The following ADGB variants were observed in gnomAD, a reference collection of about 807,000 sequenced individuals.
The protein encoded by ADGB is androglobin.
ADGB carries 172 observed loss-of-function variants against 210.5 expected under a neutral mutation model. The observed-to-expected ratio is 0.82, with a 90% CI of 0.72 to 0.93. The LOEUF (loss-of-function observed/expected upper bound fraction) is 0.93. ADGB is among the 40% of genes least tolerant of loss of function. The pLI is 0.00. For synonymous variants in ADGB, 658 were observed against 662.7 expected (o/e 0.99, Z 0.11); for missense variants, 2,025 against 1,964.8 (o/e 1.03, Z -0.58).
At chr6:146,772,560 A>C (rs1389836360) in intron 29 of ADGB, among the ~76,000 whole-genome samples, 1 of 147,574 alleles carries the variant, frequency 6.8e-6, no homozygotes, top group African/African-American at 2.5e-5. Flanking sequence ...TGTGTCTCTG[A>C]TAGAGGGCTG....
At chr6:146,788,805 A>G (rs1326047730) in intron 33 of ADGB, among the ~76,000 whole-genome samples, 195 bp downstream of exon 33, 1 of 152,192 alleles carries the variant, frequency 6.6e-6, no homozygotes, top group African/African-American at 2.4e-5. Context: ...TAACCAAAAG[A>G]CAAAAGTGGG....
At chr6:146,721,575 C>G (rs1296807193) in intron 17 of ADGB, 70 bp downstream of exon 17, 2 of 258,138 alleles carry the variant, frequency 7.7e-6, no homozygotes, top group Admixed American at 1.3e-4. Flanking sequence ...TGGTGGCTCA[C>G]GCCTGTAATC....
At chr6:146,634,754 T>G (rs1562260589) in intron 1 of ADGB, among the ~76,000 whole-genome samples, 1 of 152,098 alleles carries the variant, frequency 6.6e-6, no homozygotes, top group East Asian at 1.9e-4. Flanking sequence ...GATTTTGCAA[T>G]AAGAACAACC....
In ADGB at chr6:146,733,209, T is replaced by G; in HGVS notation, c.2610T>G (p.Val870=). The G allele has an allele frequency of 6.5e-7, 1 of 1,543,108 alleles. No homozygotes were observed. The highest frequency in any genetic ancestry group is 8.8e-7 in the Non-Finnish European group (1 of 1,142,154). Residue 870 remains valine, a synonymous_variant, in exon 21 of 36, where the codon GTT becomes GTG. Transcript: ENST00000397944. ...PNFKFAFRAM[V]LDLELLNSSL... is the part of the protein sequence containing the mutation. ...TCAAATTTGCATTCCGGGCTATGGT[T>G]TTGGACTTGGAGTTACTCAATTCCT...
At chr6:146,634,183 G>A (rs548776091) in intron 1 of ADGB, among the ~76,000 whole-genome samples, 1 of 152,214 alleles carries the variant, frequency 6.6e-6, no homozygotes, top group Admixed American at 6.6e-5. Flanking sequence ...TTATAGCCTA[G>A]GAGCAATAGA....
At chr6:146,762,341 T>A (rs1346159195) in intron 27 of ADGB, among the ~76,000 whole-genome samples, 2 of 152,216 alleles carry the variant, frequency 1.3e-5, no homozygotes, top group African/African-American at 2.4e-5. Flanking sequence ...ATTTCAGATA[T>A]AGTCAGATCT....
Position 146,700,955 on chromosome 6 carries a change from C to T in ADGB, c.1592C>T (p.Ser531Phe), listed in dbSNP as rs377471185. The change falls in exon 13 of 36, where the codon TCC becomes TTC. Residue 531 changes from serine to phenylalanine, a missense_variant. By Grantham distance (155) the Ser-to-Phe change is radical. Coordinates refer to ENST00000397944, the MANE Select transcript of ADGB (RefSeq NM_024694.4). ...TTTCCTTTTAGGCATTTTGTGCGCT[C>T]CTTAATTAAGAAAGGAATACCTCCA... Reference protein sequence around the residue: ...TIPTEMHFVRSLIKKGIPPGS... With the variant: ...TIPTEMHFVRFLIKKGIPPGS... The T allele has an allele frequency of 6.4e-7, 1 of 1,550,442 alleles. No homozygotes were observed. The highest frequency in any genetic ancestry group is 8.7e-7 in the Non-Finnish European group (1 of 1,146,226).
chr6:146,635,772 G>GAATCAT (rs1287959540), intron 2 of ADGB, among the ~76,000 whole-genome samples: 1 of 151,914 alleles, frequency 6.6e-6, no homozygotes, highest in Non-Finnish European at 1.5e-5. Flanking sequence ...TATGACCAAA[G>GAATCAT]AATCATAATG....
chr6:146,635,574 T>C (rs950262988), intron 2 of ADGB, 37 bp downstream of exon 2: 7 of 1,463,984 alleles, frequency 4.8e-6, no homozygotes, highest in Non-Finnish European at 6.3e-6. Context: ...TTCATTTTGG[T>C]TTTTAATTTT....
rs1776080396 is a variant in ADGB, at chr6:146,676,190, G to T, written c.1088-123G>T. 1.7e-5 allele frequency: 14 copies of T among 845,390 alleles called. No homozygotes were observed. The South Asian group carries it at 3.9e-4, about 24-fold the overall frequency. The allele number at this position is 845,390 out of a possible 1,614,324, so 52.4% of individuals were successfully genotyped here. Reference sequence around the variant, plus strand: ...GGGATCATGTTTTGGAGAAATTATGGCATAATTTTACATTAAATAATACTA... The same window carrying T: ...GGGATCATGTTTTGGAGAAATTATGTCATAATTTTACATTAAATAATACTA... On this transcript the variant is annotated intron_variant, in intron 8 of 35. Coordinates refer to ENST00000397944, the MANE Select transcript of ADGB (RefSeq NM_024694.4).
intron 1 of ADGB, among the ~76,000 whole-genome samples, chr6:146,628,214 C>CA (rs1781007348): frequency 6.6e-6 from 1 of 151,488 alleles, no homozygotes; most frequent in Non-Finnish European, 1.5e-5. Context: ...ATATAATTGA[C>CA]ATTGTATATT....
chr6:146,633,984 A>G (rs1215031773), intron 1 of ADGB, among the ~76,000 whole-genome samples: 1 of 152,080 alleles, frequency 6.6e-6, no homozygotes, highest in Non-Finnish European at 1.5e-5. Flanking sequence ...CAAATCACTG[A>G]CTCATTAAAA....
At chr6:146,651,356 C>T (rs977908528) in intron 3 of ADGB, among the ~76,000 whole-genome samples, 5 of 152,196 alleles carry the variant, frequency 3.3e-5, no homozygotes, top group African/African-American at 1.2e-4. Context: ...TAGTAACCGA[C>T]TCAAATTTGG....
intron 1 of ADGB, among the ~76,000 whole-genome samples, chr6:146,611,080 G>A (rs11758261): frequency 5.3e-4 from 81 of 152,170 alleles, no homozygotes; most frequent in Middle Eastern, 3.4e-3. Flanking sequence ...GTTGTGTTGC[G>A]GGGTTGTGGG....
intron 2 of ADGB, 117 bp downstream of exon 2, chr6:146,635,654 A>T (rs899738477): frequency 1.8e-6 from 2 of 1,120,166 alleles, no homozygotes; most frequent in South Asian, 4.4e-5. Flanking sequence ...CAAAAGGGAA[A>T]TTTTTTATTT....
intron 26 of ADGB, among the ~76,000 whole-genome samples, chr6:146,747,989 T>C (rs1777266849): frequency 6.6e-6 from 1 of 151,670 alleles, no homozygotes; most frequent in Non-Finnish European, 1.5e-5. Flanking sequence ...CACCATGTTG[T>C]CCAGGCTAGT....
intron 29 of ADGB, among the ~76,000 whole-genome samples, chr6:146,769,694 A>G (rs1777625397): frequency 1.3e-5 from 2 of 152,208 alleles, no homozygotes; most frequent in African/African-American, 2.4e-5. Context: ...TGAATCTGAA[A>G]GAATGTGTAT....
chr6:146,686,326 A>G (rs1776233617), intron 10 of ADGB, among the ~76,000 whole-genome samples: 1 of 152,088 alleles, frequency 6.6e-6, no homozygotes, highest in African/African-American at 2.4e-5. Context: ...CATTTAACAA[A>G]TTGTAGAAAA....
intron 30 of ADGB, among the ~76,000 whole-genome samples, chr6:146,783,697 C>A (rs1254133997): frequency 6.6e-6 from 1 of 152,120 alleles, no homozygotes; most frequent in African/African-American, 2.4e-5. Context: ...TTATATCAAT[C>A]CACTCTTCCC....
Sources: allele counts gnomAD v4.1 joint callset (sites outside exome capture counted in the v4.1 genomes callset), GRCh38; gene constraint gnomAD v4.1.1; transcripts MANE v1.5; gene names NCBI Gene and HGNC (gene_info 2026-07-23, HGNC 2026-07-21).